Variants in TMEM184B observed in about 807,000 individuals in gnomAD.
The protein encoded by TMEM184B is putative MAPK-activating protein FM08.
Under a neutral mutation model 41.8 loss-of-function variants are expected in TMEM184B, and 17 were observed. That is an observed-to-expected ratio of 0.41 (90% CI 0.28 to 0.61). TMEM184B has a LOEUF of 0.61. Among genes scored for constraint, TMEM184B ranks in the 20% least tolerant of loss-of-function variants. The probability of loss-of-function intolerance (pLI) is 0.34; values close to 1 mark genes in which losing one functional copy is unlikely to be tolerated. For synonymous variants in TMEM184B, 240 were observed against 229.5 expected (o/e 1.05, Z -0.41); for missense variants, 393 against 557.8 (o/e 0.70, Z 2.98).
At chr22:38,227,103 ACTG>A (rs1555892579) in intron 5 of TMEM184B, among the ~76,000 whole-genome samples, 1 of 149,304 alleles carries the variant, frequency 6.7e-6, no homozygotes, top group Non-Finnish European at 1.5e-5. Flanking sequence ...CTCCCAGGGG[ACTG>A]CTGTCTGCGC....
At chr22:38,271,062 C>T (rs989794923) in intron 1 of TMEM184B, among the ~76,000 whole-genome samples, 2 of 152,150 alleles carry the variant, frequency 1.3e-5, no homozygotes, top group South Asian at 4.1e-4. Flanking sequence ...CCACCACCAC[C>T]GTGGGTGCAA....
chr22:38,238,792 T>TGGCA (rs1367900982), intron 3 of TMEM184B, among the ~76,000 whole-genome samples: 3 of 152,206 alleles, frequency 2.0e-5, no homozygotes, highest in African/African-American at 7.2e-5. Flanking sequence ...GCCCTAGGAT[T>TGGCA]CAGAGACCCA....
At chr22:38,246,183 G>A (rs978415386) in intron 2 of TMEM184B, 83 bp from the exon 3 acceptor site, 34 of 1,515,240 alleles carry the variant, frequency 2.2e-5, no homozygotes, top group South Asian at 3.6e-5. Flanking sequence ...CTCTGCCACC[G>A]ACTCATCTGT....
At chr22:38,268,065 A>G (rs135722) in intron 1 of TMEM184B, among the ~76,000 whole-genome samples, 78,996 of 151,964 alleles carry the variant, frequency 0.52, 21,305 homozygotes, top group South Asian at 0.65. Context: ...AGGACAAGCA[A>G]TTTGGGAATG....
chr22:38,246,492 C>T, intron 2 of TMEM184B: 1 of 269,180 alleles, frequency 3.7e-6, no homozygotes, highest in Non-Finnish European at 7.4e-6. Context: ...CCCTCTACCT[C>T]ACTCCGGCTG....
At chr22:38,232,368 G>A (rs1225911174) in intron 3 of TMEM184B, 1 of 152,268 alleles carries the variant, frequency 6.6e-6, no homozygotes, top group African/African-American at 2.4e-5. Context: ...GCTGTAACGG[G>A]TCTCCTGGTC....
chr22:38,268,092 G>A (rs1348112008), intron 1 of TMEM184B, among the ~76,000 whole-genome samples: 1 of 152,198 alleles, frequency 6.6e-6, no homozygotes, highest in Non-Finnish European at 1.5e-5. Flanking sequence ...CGGTAAGAAT[G>A]CTGGCGGAGG....
At chr22:38,217,893 T>C (rs1314081907), downstream of TMEM184B, among the ~76,000 whole-genome samples, 3 of 150,554 alleles carry the variant, frequency 2.0e-5, no homozygotes, top group Admixed American at 6.6e-5. Flanking sequence ...GGTGGTGTGG[T>C]TGAGCCCAGG....
At chr22:38,271,118 G>A (rs1194961331) in intron 1 of TMEM184B, among the ~76,000 whole-genome samples, 2 of 152,140 alleles carry the variant, frequency 1.3e-5, no homozygotes, top group Non-Finnish European at 2.9e-5. Context: ...ATGCTTTGGG[G>A]GAATTCACAG....
chr22:38,261,990 G>GC (rs1480754943), intron 1 of TMEM184B, among the ~76,000 whole-genome samples: 1 of 151,238 alleles, frequency 6.6e-6, no homozygotes, highest in African/African-American at 2.5e-5. Context: ...AGACAAGAAT[G>GC]AATTCACCGA....
chr22:38,253,976 G>A (rs923505832), intron 1 of TMEM184B, among the ~76,000 whole-genome samples: 52 of 152,210 alleles, frequency 3.4e-4, no homozygotes, highest in African/African-American at 1.2e-3. Flanking sequence ...CAAGGTGGGC[G>A]GATCACCTGA....
chr22:38,250,218 C>T lies in TMEM184B; in HGVS notation c.-58-2199G>A, dbSNP rs561213277. Among the ~76,000 whole-genome samples the T allele has an allele frequency of 2.8e-4, 43 of 152,366 alleles. No individual in the cohort carries two copies. In the South Asian group the frequency reaches 7.9e-3, roughly 28 times the overall value. On this transcript the variant is annotated intron_variant, in intron 1 of 8. Coordinates refer to ENST00000361906, the MANE Select transcript of TMEM184B (RefSeq NM_012264.5). ...TGGCCCCGCGATGCAGAGGATCCTGCGCCCGCTGTCTGTCTGCACTGCCCG... is the reference window on the plus strand; with the variant it reads ...TGGCCCCGCGATGCAGAGGATCCTGTGCCCGCTGTCTGTCTGCACTGCCCG...
downstream of TMEM184B, among the ~76,000 whole-genome samples, chr22:38,218,877 C>T (rs2091183397): frequency 1.3e-5 from 2 of 152,156 alleles, no homozygotes; most frequent in African/African-American, 4.8e-5. Flanking sequence ...CCACAGCCAG[C>T]GGCCCCCTGC....
intron 1 of TMEM184B, among the ~76,000 whole-genome samples, chr22:38,272,163 G>A (rs2092533932): frequency 6.6e-6 from 1 of 152,196 alleles, no homozygotes; most frequent in South Asian, 2.1e-4. Flanking sequence ...ATATGTATTG[G>A]GAATCCATGC....
chr22:38,260,703 C>T (rs988271400), intron 1 of TMEM184B, among the ~76,000 whole-genome samples: 1 of 152,216 alleles, frequency 6.6e-6, no homozygotes, highest in Non-Finnish European at 1.5e-5. Context: ...GAAGGTCTGG[C>T]ACCATGTGAT....
At chr22:38,254,141 C>T (rs1468063083) in intron 1 of TMEM184B, among the ~76,000 whole-genome samples, 2 of 143,432 alleles carry the variant, frequency 1.4e-5, no homozygotes, top group Admixed American at 1.5e-4. Context: ...GCAGAGGTTG[C>T]AGTGAGCCAA....
chr22:38,251,238 C>CAAT (rs2092156285), intron 1 of TMEM184B, among the ~76,000 whole-genome samples: 1 of 152,238 alleles, frequency 6.6e-6, no homozygotes, highest in Non-Finnish European at 1.5e-5. Flanking sequence ...ACTTATTTTA[C>CAAT]TCTTGGGCAA....
At chr22:38,246,279 G>GT (rs1384746919) in intron 2 of TMEM184B, among the ~76,000 whole-genome samples, 179 bp from the exon 3 acceptor site, 18 of 152,350 alleles carry the variant, frequency 1.2e-4, no homozygotes, top group Admixed American at 6.5e-5. Flanking sequence ...CAAGGCCATT[G>GT]TGAGACTCAG....
At chr22:38,243,350 G>A (rs1055215003) in intron 3 of TMEM184B, among the ~76,000 whole-genome samples, 25 of 152,260 alleles carry the variant, frequency 1.6e-4, no homozygotes, top group Non-Finnish European at 3.2e-4. Context: ...TGTGTGCCCC[G>A]CCTTCTGCCA....
Sources: gnomAD v4.1 joint callset for allele counts (sites outside exome capture counted in the v4.1 genomes callset) on GRCh38, gnomAD v4.1.1 for gene constraint, MANE v1.5 for transcripts, NCBI Gene and HGNC (gene_info 2026-07-23, HGNC 2026-07-21) for gene names.